The following USP6NL variants were observed in gnomAD, a reference collection of about 807,000 sequenced individuals.
USP6NL encodes the protein USP6 N-terminal-like protein.
Under a neutral mutation model 61.9 loss-of-function variants are expected in USP6NL, and 26 were observed. The observed-to-expected ratio is 0.42, with a 90% CI of 0.31 to 0.58. USP6NL has a LOEUF of 0.58. Ranked by LOEUF, USP6NL falls within the 20% of genes least tolerant of loss-of-function variation. The probability of loss-of-function intolerance (pLI) is 0.16; values close to 1 mark genes in which losing one functional copy is unlikely to be tolerated. For synonymous variants in USP6NL, 432 were observed against 390.1 expected (o/e 1.11, Z -1.27); for missense variants, 1,114 against 1,034.3 (o/e 1.08, Z -1.06).
chr10:11,536,304 A>G (rs1039086324), intron 2 of USP6NL, among the ~76,000 whole-genome samples: 2 of 152,182 alleles, frequency 1.3e-5, no homozygotes, highest in Admixed American at 6.5e-5. Context: ...TAAGAAAAAT[A>G]GCTCAGAGCA....
rs986640632 is a variant in USP6NL at position 11,463,887 on chromosome 10, G to A, written c.1079-38C>T. ...AGAAAGGCTAAGTAAGATAATACAC[G>A]AGTAAACAGTAGCCAGTTGAAGCAA... On this transcript the variant is annotated intron_variant, in intron 14 of 14. Transcript: ENST00000609104. The surrounding 1 kb of genome is among the most constrained non-coding windows in gnomAD (Gnocchi z 6.3). 4.3e-5 allele frequency: 62 copies of A among 1,449,836 alleles called. No individual in the cohort carries two copies. The highest frequency in any genetic ancestry group is 1.2e-4 in the South Asian group (8 of 66,956). 89.8% of individuals were successfully genotyped at this position (1,449,836 alleles called of 1,614,324 possible).
At chr10:11,568,436 T>C (rs572802886) in intron 2 of USP6NL, among the ~76,000 whole-genome samples, 1 of 152,148 alleles carries the variant, frequency 6.6e-6, no homozygotes, top group Non-Finnish European at 1.5e-5. Flanking sequence ...CAAATCAATA[T>C]CCCTCTCACC....
At chr10:11,580,164 G>T (rs976619980) in intron 2 of USP6NL, among the ~76,000 whole-genome samples, 6 of 152,164 alleles carry the variant, frequency 3.9e-5, no homozygotes, top group Non-Finnish European at 5.9e-5. Flanking sequence ...CTCATGGATG[G>T]TGACCTTGTC....
chr10:11,567,114 G>A (rs771711835), intron 2 of USP6NL, among the ~76,000 whole-genome samples: 17 of 152,278 alleles, frequency 1.1e-4, no homozygotes, highest in Middle Eastern at 3.4e-3. Context: ...ACCTTGTCTC[G>A]AAAATTTAAA....
chr10:11,595,401 G>C lies in USP6NL; in HGVS notation c.4+2230C>G, dbSNP rs957977490. 3.9e-5 allele frequency among the ~76,000 whole-genome samples: 6 copies of C among 152,136 alleles called. No individual in the cohort carries two copies. Among genetic ancestry groups the C allele is most frequent in the Non-Finnish European group, 8.8e-5 (6 of 68,026 alleles). ...GCTCTGTGCCTAAAGCCAGAGACTG[G>C]GGTGGCACTTTTCCTTAATTATGAA... On this transcript the variant is annotated intron_variant, in intron 2 of 14. Coordinates refer to ENST00000609104, the MANE Select transcript of USP6NL (RefSeq NM_014688.5). The surrounding 1 kb of genome is among the most constrained non-coding windows in gnomAD (Gnocchi z 5.3).
rs114136064 is a variant in USP6NL, at chr10:11,536,337, A to G, written c.5-8770T>C. On this transcript the variant is annotated intron_variant, in intron 2 of 14. Transcript: ENST00000609104. The stretch of plus-strand genomic sequence containing the variant: ...GCAGTCTGAGCTCTGTGAGGTCCAC[A>G]AAATCTATCAGGCCCAGAGAGATGT... Among the ~76,000 whole-genome samples, 384 of 152,308 alleles carry G rather than the reference A, an allele frequency of 2.5e-3. 1 individual carries two copies. Among genetic ancestry groups the G allele is most frequent in the African/African-American group, 8.3e-3 (347 of 41,576 alleles).
rs922872518 is a variant in USP6NL, at chr10:11,575,396, G to C, written c.4+22235C>G. Among the ~76,000 whole-genome samples, 2 of 152,202 alleles carry C rather than the reference G, an allele frequency of 1.3e-5. No homozygotes were observed. Among genetic ancestry groups the C allele is most frequent in the Non-Finnish European group, 2.9e-5 (2 of 68,038 alleles). ...GAGAAATTACTTCCTCTCTTCTGGA[G>C]AGAAGATCTTTGGAAGGTACTGTTT... On this transcript the variant is annotated intron_variant, in intron 2 of 14. Coordinates refer to ENST00000609104, the MANE Select transcript of USP6NL (RefSeq NM_014688.5). The surrounding 1 kb of genome is among the most constrained non-coding windows in gnomAD (Gnocchi z 4.2).
At chr10:11,583,662 CAG>C (rs1837866424) in intron 2 of USP6NL, among the ~76,000 whole-genome samples, 1 of 152,084 alleles carries the variant, frequency 6.6e-6, no homozygotes, top group Non-Finnish European at 1.5e-5. Flanking sequence ...TTCAAGAAAA[CAG>C]AGCATTCAAC....
At chr10:11,576,490 G>C (rs1433252450) in intron 2 of USP6NL, among the ~76,000 whole-genome samples, 2 of 152,204 alleles carry the variant, frequency 1.3e-5, no homozygotes, top group Admixed American at 6.5e-5. Context: ...AATGGGCTTA[G>C]TGCCCTTACA....
chr10:11,550,302 C>T (rs1836434784), intron 2 of USP6NL, among the ~76,000 whole-genome samples: 1 of 151,780 alleles, frequency 6.6e-6, no homozygotes, highest in African/African-American at 2.4e-5. Flanking sequence ...TCTTGCTCTT[C>T]AAGGGATATA....
At chr10:11,564,396 G>A (rs1461197426) in intron 2 of USP6NL, 3 of 152,040 alleles carry the variant, frequency 2.0e-5, no homozygotes, top group African/African-American at 7.2e-5. Flanking sequence ...AGCAAGAATC[G>A]AATCCTCTCA....
At chr10:11,593,346 G>GT (rs1017889781) in intron 2 of USP6NL, among the ~76,000 whole-genome samples, 3 of 151,850 alleles carry the variant, frequency 2.0e-5, no homozygotes, top group African/African-American at 4.8e-5. Context: ...TTTTCACTTA[G>GT]TTTTTTTTAA....
At chr10:11,583,428 G>A (rs1243815623) in intron 2 of USP6NL, among the ~76,000 whole-genome samples, 1 of 151,694 alleles carries the variant, frequency 6.6e-6, no homozygotes, top group East Asian at 1.9e-4. Flanking sequence ...CCTGACCTCA[G>A]GATCCACCCA....
chr10:11,472,158 C>G (rs1477476810), intron 14 of USP6NL, among the ~76,000 whole-genome samples: 5 of 152,156 alleles, frequency 3.3e-5, no homozygotes, highest in Admixed American at 3.3e-4. Flanking sequence ...AGGAATGTAA[C>G]TTGATACATT....
chr10:11,497,131 C>T (rs1337914672), intron 7 of USP6NL, among the ~76,000 whole-genome samples: 2 of 141,854 alleles, frequency 1.4e-5, no homozygotes, highest in Non-Finnish European at 3.0e-5. Context: ...TGGGCAAGGC[C>T]GGGCACAGTG....
intron 2 of USP6NL, among the ~76,000 whole-genome samples, chr10:11,578,119 C>G (rs1186151382): frequency 6.6e-6 from 1 of 152,156 alleles, no homozygotes; most frequent in East Asian, 1.9e-4. Context: ...CAGGGTGTGC[C>G]ACCATGCATA....
chr10:11,518,633 CT>C lies in USP6NL; in HGVS notation c.156-60del. 1 of 1,254,404 alleles carries C rather than the reference CT, an allele frequency of 8.0e-7. No homozygotes were observed. Among genetic ancestry groups the C allele is most frequent in the Non-Finnish European group, 1.2e-6 (1 of 864,356 alleles). The allele number at this position is 1,254,404 out of a possible 1,614,324, so 77.7% of individuals were successfully genotyped here. On this transcript the variant is annotated intron_variant, in intron 4 of 14. Coordinates refer to ENST00000609104, the MANE Select transcript of USP6NL (RefSeq NM_014688.5). The surrounding 1 kb of genome is among the most constrained non-coding windows in gnomAD (Gnocchi z 5.3). ...TGAAATCAAAACAAACTTTTAAAAGCTTATATACTTATAGATACATATGACA... is the reference window on the plus strand; with the variant it reads ...TGAAATCAAAACAAACTTTTAAAAGCTATATACTTATAGATACATATGACA...
chr10:11,564,893 G>A (rs1402571412), intron 2 of USP6NL: 2 of 152,144 alleles, frequency 1.3e-5, no homozygotes, highest in Non-Finnish European at 2.9e-5. Context: ...AAAGTAACTT[G>A]CACAACATAT....
chr10:11,579,839 T>C (rs903388125), intron 2 of USP6NL, among the ~76,000 whole-genome samples: 2 of 151,984 alleles, frequency 1.3e-5, no homozygotes, highest in South Asian at 2.1e-4. Flanking sequence ...TTGTGAGCCA[T>C]GTGGTCACTG....
Sources: allele counts gnomAD v4.1 joint callset (sites outside exome capture counted in the v4.1 genomes callset), GRCh38; gene constraint gnomAD v4.1.1; non-coding constraint Gnocchi (gnomAD v3.1); transcripts MANE v1.5; gene names NCBI Gene and HGNC (gene_info 2026-07-23, HGNC 2026-07-21).